The following INO80 variants were observed in gnomAD, a reference collection of about 807,000 sequenced individuals.
INO80 encodes the protein chromatin-remodeling ATPase INO80.
INO80 carries 20 observed loss-of-function variants against 203.4 expected under a neutral mutation model. The ratio of observed to expected loss-of-function variants is 0.10; its 90% CI spans 0.07 to 0.14. INO80 has a LOEUF of 0.14. INO80 is among the 10% of genes least tolerant of loss of function. The pLI is 1.00. For synonymous variants in INO80, 726 were observed against 685.2 expected (o/e 1.06, Z -0.93); for missense variants, 1,419 against 1,914.4 (o/e 0.74, Z 4.83).
chr15:41,028,891 T>C (rs1442806766), intron 24 of INO80, among the ~76,000 whole-genome samples: 4 of 152,148 alleles, frequency 2.6e-5, no homozygotes, highest in African/African-American at 4.8e-5. Flanking sequence ...TCATAACTCA[T>C]GTTACAGCTT....
intron 6 of INO80, among the ~76,000 whole-genome samples, 169 bp from the exon 7 acceptor site, chr15:41,085,752 GAGA>G (rs2045553601): frequency 6.6e-6 from 1 of 152,138 alleles, no homozygotes; most frequent in Non-Finnish European, 1.5e-5. Flanking sequence ...AAAAGTAACA[GAGA>G]AGAAGAAACA....
chr15:41,045,569 G>A (rs1300037134), intron 23 of INO80, among the ~76,000 whole-genome samples: 16 of 114,214 alleles, frequency 1.4e-4, no homozygotes, highest in Admixed American at 4.0e-4. Flanking sequence ...GCGACAGAGC[G>A]AGACTCTGTC....
intron 1 of INO80, among the ~76,000 whole-genome samples, chr15:41,101,438 G>A (rs765818083): frequency 1.3e-4 from 20 of 152,090 alleles, no homozygotes; most frequent in Non-Finnish European, 2.6e-4. Context: ...GCTCATCTTG[G>A]AAGAGCCTGA....
At chr15:41,010,561 A>G (rs1477117926) in intron 27 of INO80, among the ~76,000 whole-genome samples, 1 of 152,144 alleles carries the variant, frequency 6.6e-6, no homozygotes, top group Non-Finnish European at 1.5e-5. Context: ...TCCAGAGTCC[A>G]TGGCTTAACC....
At chr15:41,008,198 G>C (rs2044078639) in intron 27 of INO80, among the ~76,000 whole-genome samples, 1 of 141,272 alleles carries the variant, frequency 7.1e-6, no homozygotes, top group East Asian at 2.1e-4. Context: ...CAGGTGAATG[G>C]ATAAAGAATA....
At chr15:40,988,116 T>A in intron 29 of INO80, 142 bp from the exon 30 acceptor site, 1 of 596,188 alleles carries the variant, frequency 1.7e-6, no homozygotes, top group Non-Finnish European at 2.9e-6. Flanking sequence ...GTAAGATACA[T>A]CTTAGAAGAT....
chr15:41,085,346 A>C (rs1278363569), intron 7 of INO80, 23 bp downstream of exon 7: 17 of 1,598,180 alleles, frequency 1.1e-5, no homozygotes, highest in Non-Finnish European at 1.5e-5. Flanking sequence ...CCTAATTTCC[A>C]TCTCCTGGAG....
chr15:40,991,181 C>A (rs548744721), intron 29 of INO80, among the ~76,000 whole-genome samples: 10 of 152,252 alleles, frequency 6.6e-5, no homozygotes, highest in African/African-American at 2.4e-4. Flanking sequence ...GATGGGTTTA[C>A]AATCTTAACT....
At position 41,073,600 on chromosome 15, in the gene INO80, T is replaced by G; in HGVS notation, c.1328-105A>C. 30 of 941,788 alleles carry G rather than the reference T, an allele frequency of 3.2e-5. No homozygotes were observed. In the South Asian group the frequency reaches 3.9e-4, roughly 12 times the overall value. 58.3% of individuals were successfully genotyped at this position (941,788 alleles called of 1,614,324 possible). On this transcript the variant is annotated intron_variant, in intron 10 of 35. Transcript: ENST00000648947. ...ATCCCTGATTCCCTCATTCTACTTA[T>G]CCCTGGGTTCACGGAGGGTGGGGGA... is the stretch of plus-strand genomic sequence containing the variant.
Position 40,983,745 on chromosome 15 carries a change from A to C in INO80, c.4237+17T>G. 6.2e-7 allele frequency: 1 copy of C among 1,611,188 alleles called. No individual in the cohort carries two copies. Among genetic ancestry groups the C allele is most frequent in the Non-Finnish European group, 8.5e-7 (1 of 1,179,254 alleles). ...GCAGTGGACCAGGCCCAAGCTGTAC[A>C]AGACAGCAGCAATTACCATTCACGG... is the stretch of plus-strand genomic sequence containing the variant. On this transcript the variant is annotated intron_variant, in intron 34 of 35. Coordinates refer to ENST00000648947, the MANE Select transcript of INO80 (RefSeq NM_017553.3).
intron 35 of INO80, 59 bp downstream of exon 35, chr15:40,982,803 A>G: frequency 2.1e-6 from 3 of 1,396,896 alleles, no homozygotes; most frequent in Non-Finnish European, 3.0e-6. Context: ...CCTGACTGAC[A>G]GAATTTCTAG....
At position 41,070,511 on chromosome 15, in the gene INO80, C is replaced by A; in HGVS notation, c.1642G>T (p.Gly548Cys). Residue 548 changes from glycine to cysteine, a missense_variant, in exon 13 of 36, where the codon GGT (glycine) becomes TGT (cysteine). Gly to Cys is a radical substitution (Grantham distance 159). Coordinates refer to ENST00000648947, the MANE Select transcript of INO80 (RefSeq NM_017553.3). Reference sequence around the variant, plus strand: ...AGGGCAATGCTCTGTACTGTTTTACCAAGGCCCATTTCATCAGCAAGAATG... The same window carrying A: ...AGGGCAATGCTCTGTACTGTTTTACAAAGGCCCATTTCATCAGCAAGAATG... ...NGILADEMGLGKTVQSIALLA... is the reference protein window; with the variant it reads ...NGILADEMGLCKTVQSIALLA... The A allele has an allele frequency of 6.2e-7, 1 of 1,614,070 alleles. No individual in the cohort carries two copies. The highest frequency in any genetic ancestry group is 1.1e-5 in the South Asian group (1 of 91,068).
intron 1 of INO80, among the ~76,000 whole-genome samples, chr15:41,110,375 C>T (rs929530594): frequency 6.6e-6 from 1 of 151,752 alleles, no homozygotes; most frequent in East Asian, 2.0e-4. Flanking sequence ...GATCTCTTGA[C>T]GTCATGATCC....
At chr15:41,057,652 C>T (rs983403117) in intron 16 of INO80, among the ~76,000 whole-genome samples, 2 of 151,344 alleles carry the variant, frequency 1.3e-5, no homozygotes, top group African/African-American at 4.9e-5. Context: ...CAAAAATTAG[C>T]CGGACATGGT....
At chr15:41,101,510 G>A (rs1247859364) in intron 1 of INO80, among the ~76,000 whole-genome samples, 1 of 151,456 alleles carries the variant, frequency 6.6e-6, no homozygotes. Flanking sequence ...CTTACTTGCT[G>A]TGATATTTGA....
chr15:41,096,674 C>T (rs936853065), intron 1 of INO80, among the ~76,000 whole-genome samples: 1 of 151,766 alleles, frequency 6.6e-6, no homozygotes, highest in Non-Finnish European at 1.5e-5. Flanking sequence ...AAAAATTACC[C>T]AAAACTATGA....
chr15:41,082,140 C>T (rs1273344420), intron 7 of INO80, among the ~76,000 whole-genome samples: 1 of 150,996 alleles, frequency 6.6e-6, no homozygotes, highest in Non-Finnish European at 1.5e-5. Context: ...ATCCTAGCTA[C>T]TCGGGAGGCT....
intron 29 of INO80, among the ~76,000 whole-genome samples, chr15:40,993,201 C>T (rs764140682): frequency 6.6e-6 from 1 of 152,246 alleles, no homozygotes; most frequent in South Asian, 2.1e-4. Context: ...GCTGGCAGGA[C>T]GCTCTTTACT....
In INO80 at chr15:41,079,828, C is replaced by T. The variant is rs771493839; in HGVS notation, c.1004G>A (p.Arg335His). Residue 335 changes from arginine to histidine, a missense_variant, in exon 9 of 36, where the codon CGT becomes CAT. Around this residue, in one of 9 missense-constraint regions of INO80, gnomAD observed 87 missense variants for 150.5 expected, o/e 0.58. Coordinates refer to ENST00000648947, the MANE Select transcript of INO80 (RefSeq NM_017553.3). ...CATCTCCTTGGTGAGGCGGCGGGCA[C>T]GAGGCAAGGTTTCCTTACAGTTCTT... ...AQKNCKETLP[R>H]ARRLTKEMLL... 35 of 1,613,976 alleles carry T rather than the reference C, an allele frequency of 2.2e-5. No individual in the cohort carries two copies. The highest frequency in any genetic ancestry group is 3.3e-5 in the Admixed American group (2 of 59,972).
Sources: gnomAD v4.1 joint callset for allele counts (sites outside exome capture counted in the v4.1 genomes callset) on GRCh38, gnomAD v4.1.1 for gene constraint, gnomAD v4.1.1 regional missense constraint, MANE v1.5 for transcripts, NCBI Gene and HGNC (gene_info 2026-07-23, HGNC 2026-07-21) for gene names.